The following NPAS3 variants were observed in gnomAD, a reference collection of about 807,000 sequenced individuals.
NPAS3 encodes the protein neuronal PAS domain-containing protein 3.
Under a neutral mutation model 73.1 loss-of-function variants are expected in NPAS3, and 14 were observed. That is an observed-to-expected ratio of 0.19 (90% CI 0.13 to 0.30). The LOEUF (loss-of-function observed/expected upper bound fraction) is 0.30. Ranked by LOEUF, NPAS3 falls within the 10% of genes least tolerant of loss-of-function variation. The pLI is 1.00. For missense variants in NPAS3, 1,096 were observed against 1,250.0 expected (o/e 0.88, Z 1.86); for synonymous variants, 620 against 541.5 (o/e 1.14, Z -2.01).
At chr14:33,089,047 G>A (rs1345364839) in intron 2 of NPAS3, among the ~76,000 whole-genome samples, 1 of 59,132 alleles carries the variant, frequency 1.7e-5, no homozygotes, top group African/African-American at 1.4e-4. Flanking sequence ...TCAAGATGAG[G>A]AAGAAACAGA....
intron 4 of NPAS3, among the ~76,000 whole-genome samples, chr14:33,422,104 A>G (rs2048380968): frequency 6.6e-6 from 1 of 151,968 alleles, no homozygotes; most frequent in Non-Finnish European, 1.5e-5. Flanking sequence ...TTAGTGAATT[A>G]AAGTTTGCAT....
At chr14:33,701,144 C>T (rs2060513519) in intron 6 of NPAS3, among the ~76,000 whole-genome samples, 1 of 152,168 alleles carries the variant, frequency 6.6e-6, no homozygotes, top group Non-Finnish European at 1.5e-5. Context: ...ACTCTAATAC[C>T]TTTCATGAAT....
chr14:33,607,944 A>C (rs2057628668), intron 5 of NPAS3, among the ~76,000 whole-genome samples: 1 of 152,140 alleles, frequency 6.6e-6, no homozygotes, highest in Non-Finnish European at 1.5e-5. Flanking sequence ...TATCATGGGA[A>C]TAGCGTGGGG....
chr14:33,034,391 A>T (rs2138367323), intron 1 of NPAS3, among the ~76,000 whole-genome samples: 1 of 151,976 alleles, frequency 6.6e-6, no homozygotes, highest in Admixed American at 6.6e-5. Context: ...TGGTATAAAT[A>T]AACCAACTTG....
chr14:33,111,738 T>C (rs1269525941), intron 2 of NPAS3, among the ~76,000 whole-genome samples: 1 of 151,948 alleles, frequency 6.6e-6, no homozygotes, highest in Non-Finnish European at 1.5e-5. Flanking sequence ...TGTATACATG[T>C]GCCATGTTGG....
At chr14:33,216,677 T>C (rs2047235506) in intron 3 of NPAS3, among the ~76,000 whole-genome samples, 1 of 152,058 alleles carries the variant, frequency 6.6e-6, no homozygotes, top group African/African-American at 2.4e-5. Context: ...AGACAATATG[T>C]AAACAAAACA....
intron 11 of NPAS3, 80 bp downstream of exon 11, chr14:33,797,661 C>A (rs887896851): frequency 7.0e-7 from 1 of 1,425,976 alleles, no homozygotes; most frequent in African/African-American, 1.4e-5. Context: ...AGAGGGCCAT[C>A]ATCAGAGGCA....
chr14:32,959,224 C>T (rs757857231), intron 1 of NPAS3, among the ~76,000 whole-genome samples: 19 of 152,178 alleles, frequency 1.2e-4, no homozygotes, highest in Non-Finnish European at 1.8e-4. Context: ...ATTTCTGCCT[C>T]GGTGTTCTTG....
At chr14:33,334,105 AAGTC>A (rs1254818994) in intron 3 of NPAS3, among the ~76,000 whole-genome samples, 1 of 152,178 alleles carries the variant, frequency 6.6e-6, no homozygotes, top group Admixed American at 6.5e-5. Context: ...TGGAAATAGA[AAGTC>A]AGTATGGCAG....
intron 1 of NPAS3, among the ~76,000 whole-genome samples, chr14:33,024,002 GA>G (rs2039703252): frequency 6.6e-6 from 1 of 152,114 alleles, no homozygotes. Flanking sequence ...TAAATTGAAG[GA>G]AAACCAGACA....
chr14:33,218,465 A>G (rs1224083171), intron 3 of NPAS3, among the ~76,000 whole-genome samples: 1 of 152,182 alleles, frequency 6.6e-6, no homozygotes, highest in Non-Finnish European at 1.5e-5. Flanking sequence ...AATAACATCA[A>G]AAGAAATTCA....
intron 8 of NPAS3, among the ~76,000 whole-genome samples, chr14:33,776,120 C>T (rs566997739): frequency 1.3e-5 from 2 of 152,122 alleles, no homozygotes; most frequent in South Asian, 2.1e-4. Flanking sequence ...AAAGAATAAC[C>T]TCTGAGGGGG....
chr14:33,778,683 T>A, intron 9 of NPAS3, 111 bp downstream of exon 9: 1 of 703,312 alleles, frequency 1.4e-6, no homozygotes, highest in Non-Finnish European at 2.6e-6. Context: ...ACATTTCAGA[T>A]GACTGTCAGT....
Position 33,298,715 on chromosome 14 carries a change from T to A in NPAS3, c.386-68471T>A, listed in dbSNP as rs754435670. ...TTTAAATGATTCTAGGAAGATAATG[T>A]ATAAGGGGAAATTCGTTTAATAAAA... is the stretch of plus-strand genomic sequence containing the variant. On this transcript the variant is annotated intron_variant, in intron 3 of 11. Transcript: ENST00000356141. Among the ~76,000 whole-genome samples, 134 of 152,312 alleles carry A rather than the reference T, an allele frequency of 8.8e-4. 1 individual carries two copies. The highest frequency in any genetic ancestry group is 3.9e-4 in the Admixed American group (6 of 15,304).
intron 3 of NPAS3, among the ~76,000 whole-genome samples, chr14:33,249,759 C>CA (rs2048513702): frequency 1.3e-5 from 2 of 152,232 alleles, no homozygotes; most frequent in African/African-American, 4.8e-5. Flanking sequence ...AATGATCTCA[C>CA]AGTTCACAAG....
chr14:33,427,026 C>T (rs773965200), intron 4 of NPAS3, among the ~76,000 whole-genome samples: 14 of 152,024 alleles, frequency 9.2e-5, no homozygotes, highest in South Asian at 2.1e-4. Context: ...TTTTGTAGGC[C>T]GTGCACAATC....
At position 33,582,541 on chromosome 14, in the gene NPAS3, A is replaced by C. The variant is rs77123412; in HGVS notation, c.558+22331A>C. On this transcript the variant is annotated intron_variant, in intron 5 of 11. Transcript: ENST00000356141. ...ATGTTTATGCTTCCAGTTTGGTTTTATGTTAATCCTGGAAATAACAGAGCA... is the reference window on the plus strand; with the variant it reads ...ATGTTTATGCTTCCAGTTTGGTTTTCTGTTAATCCTGGAAATAACAGAGCA... Among the ~76,000 whole-genome samples the C allele has an allele frequency of 0.015, 2,262 of 152,234 alleles. 120 individuals are homozygous for C. The East Asian group carries it at 0.2, about 14-fold the overall frequency.
chr14:33,493,823 C>T (rs1326672828), intron 4 of NPAS3, among the ~76,000 whole-genome samples: 1 of 152,078 alleles, frequency 6.6e-6, no homozygotes. Context: ...TGTTTTGTCA[C>T]TCACTAAAGA....
chr14:33,780,793 C>T (rs1206309627), intron 9 of NPAS3: 6 of 356,358 alleles, frequency 1.7e-5, no homozygotes, highest in Non-Finnish European at 3.3e-5. Context: ...ATAAACCACT[C>T]CACCATTCAC....
Sources: gnomAD v4.1 joint callset for allele counts (sites outside exome capture counted in the v4.1 genomes callset) on GRCh38, gnomAD v4.1.1 for gene constraint, MANE v1.5 for transcripts, NCBI Gene and HGNC (gene_info 2026-07-23, HGNC 2026-07-21) for gene names.